The following SNTG1 variants were observed in gnomAD, a reference collection of about 807,000 sequenced individuals.
The protein encoded by SNTG1 is syntrophin gamma 1.
A neutral mutation model predicts 74.7 loss-of-function variants in SNTG1; 39 were observed. The ratio of observed to expected loss-of-function variants is 0.52; its 90% CI spans 0.40 to 0.68. The LOEUF (loss-of-function observed/expected upper bound fraction) is 0.68, where lower values mean the gene tolerates loss of function less well. Among genes scored for constraint, SNTG1 ranks in the 30% least tolerant of loss-of-function variants. The pLI, the probability that SNTG1 is intolerant of heterozygous loss-of-function variation, is 0.00. For missense variants in SNTG1, 685 were observed against 609.5 expected, an observed-to-expected ratio of 1.12 and a Z score of -1.30; for synonymous variants, 254 against 217.1, an observed-to-expected ratio of 1.17 and a Z score of -1.49.
intron 17 of SNTG1, among the ~76,000 whole-genome samples, chr8:50,729,754 C>T (rs1292236104): frequency 6.6e-6 from 1 of 152,102 alleles, no homozygotes; most frequent in Admixed American, 6.6e-5. Flanking sequence ...GATAAGCTGA[C>T]CCACAGGTAA....
chr8:50,275,123 A>G (rs1414566716), intron 2 of SNTG1, among the ~76,000 whole-genome samples: 1 of 152,148 alleles, frequency 6.6e-6, no homozygotes, highest in Non-Finnish European at 1.5e-5. Flanking sequence ...ATTTTAAAGA[A>G]TTGGTGACTT....
chr8:50,014,104 C>T (rs1816086060), intron 1 of SNTG1, among the ~76,000 whole-genome samples: 1 of 152,058 alleles, frequency 6.6e-6, no homozygotes. Context: ...TGGTGCTATC[C>T]CCATCCTTTC....
At chr8:50,471,297 C>A (rs2093652631) in intron 8 of SNTG1, among the ~76,000 whole-genome samples, 1 of 151,434 alleles carries the variant, frequency 6.6e-6, no homozygotes, top group East Asian at 1.9e-4. Flanking sequence ...TTTCAATAGA[C>A]ATTGCTTCAA....
At chr8:50,018,945 G>T (rs1349867668) in intron 1 of SNTG1, among the ~76,000 whole-genome samples, 1 of 151,934 alleles carries the variant, frequency 6.6e-6, no homozygotes, top group Admixed American at 6.6e-5. Context: ...ACATAGAATT[G>T]TTATATGATC....
rs547788431 is a variant in SNTG1, at chr8:50,690,158, G to T, written c.1039-14442G>T. Reference sequence around the variant, plus strand: ...CTCTTTTTTCTTCTTTATTAGTCTTGCTAGCAGTCTATCAATTTTGTTGAT... The same window carrying T: ...CTCTTTTTTCTTCTTTATTAGTCTTTCTAGCAGTCTATCAATTTTGTTGAT... On this transcript the variant is annotated intron_variant, in intron 15 of 18. Transcript: ENST00000642720. Among the ~76,000 whole-genome samples the T allele has an allele frequency of 9.9e-5, 15 of 151,954 alleles. No individual in the cohort carries two copies. The East Asian group carries it at 2.7e-3, about 27-fold the overall frequency.
chr8:50,587,715 C>T (rs915018785), intron 12 of SNTG1, among the ~76,000 whole-genome samples: 8 of 151,226 alleles, frequency 5.3e-5, no homozygotes, highest in African/African-American at 2.0e-4. Context: ...GTCCTGGCTA[C>T]GCGCGAGGGT....
At chr8:50,439,483 A>C (rs899457123) in intron 5 of SNTG1, among the ~76,000 whole-genome samples, 3 of 152,066 alleles carry the variant, frequency 2.0e-5, no homozygotes, top group Non-Finnish European at 4.4e-5. Flanking sequence ...CTTTGTGAAA[A>C]TGACTCAGAG....
chr8:49,987,051 T>G lies in SNTG1; in HGVS notation c.-103+74820T>G, dbSNP rs565934350. Among the ~76,000 whole-genome samples, 5 of 152,304 alleles carry G rather than the reference T, an allele frequency of 3.3e-5. No homozygotes were observed. The East Asian group carries it at 9.6e-4, about 29-fold the overall frequency. On this transcript the variant is annotated intron_variant, in intron 1 of 18. Coordinates refer to ENST00000642720, the MANE Select transcript of SNTG1 (RefSeq NM_018967.5). Reference sequence around the variant, plus strand: ...GTTGGGAAATGAAAAGTAGGTTATGTTTGGAAAAGTATGACAAATTACATT... The same window carrying G: ...GTTGGGAAATGAAAAGTAGGTTATGGTTGGAAAAGTATGACAAATTACATT...
At chr8:50,150,942 A>T (rs1227372676) in intron 1 of SNTG1, among the ~76,000 whole-genome samples, 1 of 152,138 alleles carries the variant, frequency 6.6e-6, no homozygotes, top group Non-Finnish European at 1.5e-5. Flanking sequence ...GTTAGGGAGG[A>T]TTCCCTCTTT....
intron 1 of SNTG1, among the ~76,000 whole-genome samples, chr8:49,949,961 T>A (rs1453391385): frequency 6.6e-6 from 1 of 152,160 alleles, no homozygotes; most frequent in Non-Finnish European, 1.5e-5. Context: ...ACCTCATCTC[T>A]AATAAAGATA....
chr8:50,775,392 T>C (rs1332789220), intron 18 of SNTG1, among the ~76,000 whole-genome samples: 1 of 151,688 alleles, frequency 6.6e-6, no homozygotes, highest in African/African-American at 2.4e-5. Flanking sequence ...GACTCTCTTG[T>C]ATATAAAGGA....
At chr8:50,146,494 G>A (rs2081871938) in intron 1 of SNTG1, among the ~76,000 whole-genome samples, 1 of 151,880 alleles carries the variant, frequency 6.6e-6, no homozygotes, top group South Asian at 2.1e-4. Flanking sequence ...CTCCAGCCTG[G>A]GCAACAAAAG....
At chr8:50,052,584 TA>T (rs1241747139) in intron 1 of SNTG1, among the ~76,000 whole-genome samples, 2 of 152,096 alleles carry the variant, frequency 1.3e-5, no homozygotes, top group African/African-American at 4.8e-5. Context: ...TGGATTTCAT[TA>T]AAATTAAAAA....
At chr8:50,134,987 G>T (rs1007989748) in intron 1 of SNTG1, among the ~76,000 whole-genome samples, 16 of 152,152 alleles carry the variant, frequency 1.1e-4, no homozygotes, top group African/African-American at 3.9e-4. Flanking sequence ...GGATTGGGTT[G>T]TTTTCTGTGA....
chr8:50,359,496 C>T (rs550963734), intron 2 of SNTG1, among the ~76,000 whole-genome samples: 30 of 152,276 alleles, frequency 2.0e-4, no homozygotes, highest in African/African-American at 7.2e-4. Context: ...ATTTTTGCAT[C>T]TCTGTTTTCC....
chr8:50,739,461 G>A (rs2095537533), intron 17 of SNTG1, among the ~76,000 whole-genome samples: 1 of 152,090 alleles, frequency 6.6e-6, no homozygotes, highest in Non-Finnish European at 1.5e-5. Flanking sequence ...TTACACTGTT[G>A]GTGGGAGTGT....
At chr8:50,298,077 G>T (rs2089475003) in intron 2 of SNTG1, among the ~76,000 whole-genome samples, 2 of 151,640 alleles carry the variant, frequency 1.3e-5, no homozygotes, top group African/African-American at 4.9e-5. Flanking sequence ...CTTGTCACTG[G>T]CCAGCTTTAC....
intron 2 of SNTG1, among the ~76,000 whole-genome samples, chr8:50,220,250 C>A (rs890293667): frequency 3.3e-5 from 5 of 151,948 alleles, no homozygotes; most frequent in East Asian, 3.9e-4. Flanking sequence ...TCTTTAATGT[C>A]GATAGGAAGT....
intron 15 of SNTG1, among the ~76,000 whole-genome samples, chr8:50,667,349 T>C (rs2095255627): frequency 6.6e-6 from 1 of 152,064 alleles, no homozygotes; most frequent in Non-Finnish European, 1.5e-5. Context: ...CTGTTTTCTG[T>C]TGCTATAACT....
Sources: gnomAD v4.1 joint callset for allele counts (sites outside exome capture counted in the v4.1 genomes callset) on GRCh38, gnomAD v4.1.1 for gene constraint, MANE v1.5 for transcripts, NCBI Gene and HGNC (gene_info 2026-07-23, HGNC 2026-07-21) for gene names.